The following PCTP variants were observed in gnomAD, a reference collection of about 807,000 sequenced individuals.
PCTP encodes phosphatidylcholine transfer protein, also known as START domain-containing protein 2.
Under a neutral mutation model 31.0 loss-of-function variants are expected in PCTP, and 27 were observed. That is an observed-to-expected ratio of 0.87 (90% CI 0.64 to 1.20). PCTP has a LOEUF of 1.20. Among genes scored for constraint, PCTP ranks in the 50% most tolerant of loss-of-function variants. The probability of loss-of-function intolerance (pLI) is 0.00; values close to 1 mark genes in which losing one functional copy is unlikely to be tolerated. For synonymous variants in PCTP, 108 were observed against 101.2 expected, an observed-to-expected ratio of 1.07 and a Z score of -0.40; for missense variants, 287 against 268.2, an observed-to-expected ratio of 1.07 and a Z score of -0.49.
rs556643005 is a variant in PCTP, at chr17:55,789,562, T to C, written c.317+1908T>C. On this transcript the variant is annotated intron_variant, in intron 3 of 3. Transcript: ENST00000572536. The stretch of plus-strand genomic sequence containing the variant: ...CTTTCTTCCATTTTTGCGAAAATCC[T>C]GTGCATCCTTTGAGAACAAGTTCAA... Among the ~76,000 whole-genome samples, 150 of 152,352 alleles carry C rather than the reference T, an allele frequency of 9.8e-4. 1 individual carries two copies. The highest frequency in any genetic ancestry group is 3.5e-3 in the African/African-American group (145 of 41,580).
At chr17:55,768,715 T>C (rs1014597378) in intron 2 of PCTP, 1 of 152,196 alleles carries the variant, frequency 6.6e-6, no homozygotes, top group African/African-American at 2.4e-5. Flanking sequence ...AGGGCAGCTG[T>C]TGGGTCCAGA....
intron 5 of PCTP, among the ~76,000 whole-genome samples, chr17:55,837,553 T>C (rs889850451): frequency 6.6e-6 from 1 of 152,218 alleles, no homozygotes; most frequent in South Asian, 2.1e-4. Context: ...CTGGGTCACA[T>C]GTCTTGGCAA....
intron 2 of PCTP, chr17:55,769,021 C>G (rs1910838903): frequency 6.6e-6 from 1 of 152,254 alleles, no homozygotes; most frequent in African/African-American, 2.4e-5. Flanking sequence ...ACTTTGAGGA[C>G]AGCTGCAACA....
At chr17:55,818,146 G>GTTC (rs1441348055) in intron 3 of PCTP, among the ~76,000 whole-genome samples, 12 of 152,364 alleles carry the variant, frequency 7.9e-5, no homozygotes, top group African/African-American at 2.6e-4. Flanking sequence ...GCATCTGGAA[G>GTTC]TTCACAGTTG....
intron 5 of PCTP, among the ~76,000 whole-genome samples, chr17:55,838,598 T>C (rs1332356107): frequency 1.3e-5 from 2 of 152,184 alleles, no homozygotes; most frequent in Non-Finnish European, 1.5e-5. Context: ...TGCTCATCAT[T>C]ATAGCCCAGA....
At chr17:55,851,834 GT>G in the PCTP span, among the ~76,000 whole-genome samples, 1 of 152,104 alleles carries the variant, frequency 6.6e-6, no homozygotes. Flanking sequence ...TTGGCTTCCA[GT>G]TTTTTAAAAG....
At chr17:55,756,211 A>G (rs145053807) in intron 1 of PCTP, among the ~76,000 whole-genome samples, 11 of 152,364 alleles carry the variant, frequency 7.2e-5, no homozygotes, top group Admixed American at 1.3e-4. Flanking sequence ...TGCTGCTTCA[A>G]TGAATGAGCT....
downstream of PCTP, among the ~76,000 whole-genome samples, chr17:55,823,334 A>G (rs1905295119): frequency 6.6e-6 from 1 of 152,232 alleles, no homozygotes; most frequent in South Asian, 2.1e-4. Flanking sequence ...TTGTCTTACC[A>G]TTGACAGAAT....
chr17:55,819,871 T>G (rs1462507875), intron 3 of PCTP, among the ~76,000 whole-genome samples: 2 of 152,140 alleles, frequency 1.3e-5, no homozygotes, highest in Non-Finnish European at 2.9e-5. Context: ...CCCTCTCAAT[T>G]ACAATAAATT....
intron 3 of PCTP, among the ~76,000 whole-genome samples, chr17:55,801,177 A>G (rs535247405): frequency 6.6e-6 from 1 of 152,262 alleles, no homozygotes; most frequent in African/African-American, 2.4e-5. Flanking sequence ...ACCTAAATAT[A>G]TATGCACCCA....
At chr17:55,770,950 C>G (rs1163354875) in intron 2 of PCTP, 156 bp from the exon 3 acceptor site, 13 of 559,392 alleles carry the variant, frequency 2.3e-5, no homozygotes, top group Non-Finnish European at 3.5e-5. Flanking sequence ...CCAGGCTGGT[C>G]TTGAACTCCT....
chr17:55,838,584 T>G (rs1598024800), intron 5 of PCTP, among the ~76,000 whole-genome samples: 1 of 152,154 alleles, frequency 6.6e-6, no homozygotes, highest in Admixed American at 6.5e-5. Context: ...TTAGCACTGG[T>G]TTTTGCTCAT....
intron 3 of PCTP, among the ~76,000 whole-genome samples, chr17:55,821,828 A>G (rs1913125577): frequency 6.6e-6 from 1 of 152,282 alleles, no homozygotes; most frequent in African/African-American, 2.4e-5. Context: ...CTTGTGTACA[A>G]GGCTGGGGTG....
intron 3 of PCTP, among the ~76,000 whole-genome samples, chr17:55,790,387 T>C (rs1360755569): frequency 6.6e-6 from 1 of 152,074 alleles, no homozygotes; most frequent in East Asian, 1.9e-4. Context: ...AACGACATGA[T>C]TGTATATCTA....
chr17:55,758,302 T>G (rs1339442353), intron 1 of PCTP, among the ~76,000 whole-genome samples: 2 of 152,224 alleles, frequency 1.3e-5, no homozygotes, highest in Non-Finnish European at 2.9e-5. Flanking sequence ...GACAGTACTT[T>G]CCCAGGGACT....
downstream of PCTP, among the ~76,000 whole-genome samples, chr17:55,844,110 C>A (rs965487594): frequency 6.6e-6 from 1 of 152,344 alleles, no homozygotes; most frequent in South Asian, 2.1e-4. Flanking sequence ...TACATCCCCA[C>A]TGTCTTCATA....
intron 3 of PCTP, among the ~76,000 whole-genome samples, chr17:55,808,342 T>C (rs1021272863): frequency 1.3e-5 from 2 of 152,242 alleles, no homozygotes; most frequent in Admixed American, 1.3e-4. Context: ...AAGCATTCTC[T>C]ACCACTTATC....
downstream of PCTP, among the ~76,000 whole-genome samples, chr17:55,782,350 C>T (rs1199260674): frequency 6.6e-6 from 1 of 152,182 alleles, no homozygotes; most frequent in Non-Finnish European, 1.5e-5. Context: ...CAAGTTGACA[C>T]ATAAGATTAA....
At chr17:55,816,835 A>C (rs1477769657) in intron 3 of PCTP, among the ~76,000 whole-genome samples, 1 of 152,166 alleles carries the variant, frequency 6.6e-6, no homozygotes, top group Non-Finnish European at 1.5e-5. Context: ...ATTCTTTCCA[A>C]AACATTAGCT....
Sources: gnomAD v4.1 joint callset for allele counts (sites outside exome capture counted in the v4.1 genomes callset) on GRCh38, gnomAD v4.1.1 for gene constraint, MANE v1.5 for transcripts, NCBI Gene and HGNC (gene_info 2026-07-23, HGNC 2026-07-21) for gene names.